The following STAC2 variants were observed in gnomAD, a reference collection of about 807,000 sequenced individuals.
The protein encoded by STAC2 is SH3 and cysteine-rich domain-containing protein 2.
Under a neutral mutation model 49.0 loss-of-function variants are expected in STAC2, and 36 were observed. The ratio of observed to expected loss-of-function variants is 0.74; its 90% CI spans 0.56 to 0.97. The LOEUF is 0.97. Among genes scored for constraint, STAC2 ranks in the 50% least tolerant of loss-of-function variants. STAC2 has a pLI of 0.00. For synonymous variants in STAC2, 239 were observed against 214.7 expected (o/e 1.11, Z -0.99); for missense variants, 527 against 543.8 (o/e 0.97, Z 0.31).
At chr17:39,220,142 T>G (rs537661757) in intron 1 of STAC2, among the ~76,000 whole-genome samples, 2 of 152,254 alleles carry the variant, frequency 1.3e-5, no homozygotes, top group South Asian at 2.1e-4. Context: ...GTGGGCTTCT[T>G]TGTGTATCTA....
intron 5 of STAC2, 41 bp from the exon 6 acceptor site, chr17:39,215,064 C>T (rs1470456652): frequency 1.2e-6 from 2 of 1,614,050 alleles, no homozygotes; most frequent in Admixed American, 3.3e-5. Flanking sequence ...CCCGAGCCCA[C>T]TGTCATGCTC....
At chr17:39,214,504 A>C in intron 7 of STAC2, 174 bp from the exon 8 acceptor site, 1 of 962,194 alleles carries the variant, frequency 1.0e-6, no homozygotes, top group Non-Finnish European at 1.2e-6. Context: ...CCCAAAGCGC[A>C]CTGGGACGGG....
chr17:39,213,361 G>A lies in STAC2; in HGVS notation c.993+146C>T, dbSNP rs2046371792. The A allele has an allele frequency of 5.9e-6, 7 of 1,196,164 alleles. No homozygotes were observed. In the African/African-American group the frequency reaches 1.1e-4, roughly 18 times the overall value. The allele number at this position is 1,196,164 out of a possible 1,614,324, so 74.1% of individuals were successfully genotyped here. ...GTCAAAACTGAGAGGATGTCCCAAG[G>A]GTTGGTCCTAGTTTTGGCTGGGACC... On this transcript the variant is annotated intron_variant, in intron 9 of 10. Coordinates refer to ENST00000333461, the MANE Select transcript of STAC2 (RefSeq NM_198993.5).
At chr17:39,223,176 C>G (rs574742201) in intron 1 of STAC2, among the ~76,000 whole-genome samples, 132 of 152,324 alleles carry the variant, frequency 8.7e-4, no homozygotes, top group Admixed American at 2.9e-3. Context: ...CATTGGCCCC[C>G]TCTGTTGTAC....
At position 39,217,975 on chromosome 17, in the gene STAC2, G is replaced by A. The variant is rs751348723; in HGVS notation, c.289C>T (p.Pro97Ser). 4.4e-6 allele frequency: 7 copies of A among 1,589,178 alleles called. No homozygotes were observed. Among genetic ancestry groups the A allele is most frequent in the Non-Finnish European group, 6.0e-6 (7 of 1,168,634 alleles). ...GLATPSPSPC[P>S]VPRPLAALKP... is the part of the protein sequence containing the mutation. Reference sequence around the variant, plus strand: ...AGCGCTGCCAGGGGGCGTGGGACTGGGCATGGGGAGGGGGATGGGGTAGCC... The same window carrying A: ...AGCGCTGCCAGGGGGCGTGGGACTGAGCATGGGGAGGGGGATGGGGTAGCC... The change falls in exon 2 of 11, where the codon CCA becomes TCA. Residue 97 changes from proline (P) to serine (S), a missense_variant. Transcript: ENST00000333461.
Position 39,213,004 on chromosome 17 carries a change from C to G in STAC2, c.1122G>C (p.Lys374Asn). The G allele has an allele frequency of 6.2e-7, 1 of 1,613,978 alleles. No homozygotes were observed. Among genetic ancestry groups the G allele is most frequent in the Non-Finnish European group, 8.5e-7 (1 of 1,180,026 alleles). ...GGCCTCAGGCACTCACCTGGTTCTC[C>G]TTGAGGCTCATGTAACCCTGTTCCT... ...GNKEQGYMSL[K>N]ENQICVGVGR... The change falls in exon 10 of 11, where the codon AAG becomes AAC. Residue 374 changes from lysine to asparagine, a missense_variant. Transcript: ENST00000333461.
Position 39,225,645 on chromosome 17 carries a change from A to C in STAC2, c.-143T>G. On this transcript the variant is annotated 5_prime_UTR_variant, in exon 1 of 11. Transcript: ENST00000333461. The surrounding 1 kb of genome is among the most constrained non-coding windows in gnomAD (Gnocchi z 8.2). ...TTAGCCCCCGGCACGGCAGCCCCCA[A>C]CCCGCGGGAGCGGGCAGAGAAAGTT... is the stretch of plus-strand genomic sequence containing the variant. The C allele has an allele frequency of 2.5e-6, 2 of 792,496 alleles. No individual in the cohort carries two copies. Among genetic ancestry groups the C allele is most frequent in the Admixed American group, 2.2e-5 (1 of 45,370 alleles). 49.1% of individuals were successfully genotyped at this position (792,496 alleles called of 1,614,324 possible). A position where few individuals can be genotyped will look rare whatever the true frequency, so the allele number is the denominator to read the frequency against.
chr17:39,223,751 C>G (rs528889462), intron 1 of STAC2, among the ~76,000 whole-genome samples: 101 of 152,312 alleles, frequency 6.6e-4, no homozygotes, highest in Admixed American at 6.6e-3. Flanking sequence ...CCCCTGGAGG[C>G]AAGCAGGGGG....
Position 39,225,861 on chromosome 17 carries a change from C to A in STAC2, c.-359G>T. ...CCAGCCGGCTCCGCCGTCCGCTGCGCCCGCCCCCCATCCCCTCCCCTCCCC... is the reference window on the plus strand; with the variant it reads ...CCAGCCGGCTCCGCCGTCCGCTGCGACCGCCCCCCATCCCCTCCCCTCCCC... On this transcript the variant is annotated 5_prime_UTR_variant, in exon 1 of 11. Coordinates refer to ENST00000333461, the MANE Select transcript of STAC2 (RefSeq NM_198993.5). The surrounding 1 kb of genome is among the most constrained non-coding windows in gnomAD (Gnocchi z 8.2). 3.9e-6 allele frequency: 1 copy of A among 254,676 alleles called. No homozygotes were observed. The highest frequency in any genetic ancestry group is 7.6e-6 in the Non-Finnish European group (1 of 131,482). The allele number at this position is 254,676 out of a possible 1,614,324, so 15.8% of individuals were successfully genotyped here. A position where few individuals can be genotyped will look rare whatever the true frequency, so the allele number is the denominator to read the frequency against.
In STAC2 at chr17:39,219,089, C is replaced by T. The variant is rs57621765; in HGVS notation, c.91-916G>A. ...CCCCTGCTTCCACCTGTCCTCCATACAGCTGTTGCGGGGGTGATGCCTGAT... is the reference window on the plus strand; with the variant it reads ...CCCCTGCTTCCACCTGTCCTCCATATAGCTGTTGCGGGGGTGATGCCTGAT... On this transcript the variant is annotated intron_variant, in intron 1 of 10. Transcript: ENST00000333461. Among the ~76,000 whole-genome samples, 1,227 of 152,248 alleles carry T rather than the reference C, an allele frequency of 8.1e-3. 11 individuals are homozygous for T. The highest frequency in any genetic ancestry group is 0.028 in the African/African-American group (1,152 of 41,516).
At chr17:39,217,275 T>C in intron 2 of STAC2, 102 bp from the exon 3 acceptor site, 1 of 1,167,592 alleles carries the variant, frequency 8.6e-7, no homozygotes, top group Admixed American at 1.9e-5. Flanking sequence ...GGCATTCTCA[T>C]GCCAGCCTTG....
Position 39,214,963 on chromosome 17 carries a change from G to C in STAC2, c.760C>G (p.Pro254Ala). The change falls in exon 6 of 11, where the codon CCT (proline) becomes GCT (alanine). Residue 254 changes from proline (P) to alanine (A), a missense_variant. Coordinates refer to ENST00000333461, the MANE Select transcript of STAC2 (RefSeq NM_198993.5). ...EGSIRSSEEGPGDSASPVFTA... is the reference protein window; with the variant it reads ...EGSIRSSEEGAGDSASPVFTA... ...CACCACCACTCACCACTGTCACCAGGCCCCTCCTCAGAGCTGCGGATGCTG... is the reference window on the plus strand; with the variant it reads ...CACCACCACTCACCACTGTCACCAGCCCCCTCCTCAGAGCTGCGGATGCTG... The C allele has an allele frequency of 6.2e-7, 1 of 1,613,950 alleles. No homozygotes were observed. The highest frequency in any genetic ancestry group is 8.5e-7 in the Non-Finnish European group (1 of 1,179,966).
chr17:39,217,482 G>A (rs2144242153), intron 2 of STAC2, among the ~76,000 whole-genome samples: 1 of 152,262 alleles, frequency 6.6e-6, no homozygotes, highest in South Asian at 2.1e-4. Flanking sequence ...CCAGCACTTT[G>A]GGAGGCTGAG....
At chr17:39,214,916 C>A in intron 6 of STAC2, 35 bp downstream of exon 6, 1 of 1,613,928 alleles carries the variant, frequency 6.2e-7, no homozygotes, top group Non-Finnish European at 8.5e-7. Context: ...CTCCATTGTA[C>A]CCCATTCCTG....
At chr17:39,223,429 C>G (rs972261878) in intron 1 of STAC2, among the ~76,000 whole-genome samples, 1 of 152,184 alleles carries the variant, frequency 6.6e-6, no homozygotes, top group Non-Finnish European at 1.5e-5. Flanking sequence ...GGCGGAGGGC[C>G]GGGGCTCCAG....
chr17:39,221,158 C>A (rs536634079), intron 1 of STAC2, among the ~76,000 whole-genome samples: 1 of 151,852 alleles, frequency 6.6e-6, no homozygotes, highest in Non-Finnish European at 1.5e-5. Flanking sequence ...TGCAGTGGCA[C>A]GGTCTCAGCT....
rs1034518804 is a variant in STAC2 at position 39,211,695 on chromosome 17, C to T, written c.*597G>A. ...CAGGTTTCAAGTAACGGGAGAGATT[C>T]CTGCAAAACTTTCCTGAGAATTGAC... On this transcript the variant is annotated 3_prime_UTR_variant, in exon 11 of 11. Coordinates refer to ENST00000333461, the MANE Select transcript of STAC2 (RefSeq NM_198993.5). 1 of 152,886 alleles carries T rather than the reference C, an allele frequency of 6.5e-6. No homozygotes were observed. The highest frequency in any genetic ancestry group is 2.1e-4 in the South Asian group (1 of 4,830). The allele number at this position is 152,886 out of a possible 1,614,324, so 9.5% of individuals were successfully genotyped here.
chr17:39,218,245 GTC>G, intron 1 of STAC2, 72 bp from the exon 2 acceptor site: 1 of 1,527,120 alleles, frequency 6.5e-7, no homozygotes, highest in Non-Finnish European at 9.0e-7. Context: ...CCTTCAGGGT[GTC>G]TCTGGCGGTA....
intron 1 of STAC2, among the ~76,000 whole-genome samples, chr17:39,221,938 A>AG (rs1208975317): frequency 6.6e-6 from 1 of 152,208 alleles, no homozygotes; most frequent in Non-Finnish European, 1.5e-5. Context: ...CCGTCTCAAG[A>AG]GTTGGTCACC....
Sources: allele counts gnomAD v4.1 joint callset (sites outside exome capture counted in the v4.1 genomes callset), GRCh38; gene constraint gnomAD v4.1.1; non-coding constraint Gnocchi (gnomAD v3.1); transcripts MANE v1.5; gene names NCBI Gene and HGNC (gene_info 2026-07-23, HGNC 2026-07-21).